Variants in ANKS1B observed in about 807,000 individuals in gnomAD.
ANKS1B encodes ankyrin repeat and sterile alpha motif domain containing 1B, also known as ankyrin repeat and sterile alpha motif domain-containing protein 1B.
A neutral mutation model predicts 148.3 loss-of-function variants in ANKS1B; 36 were observed. The observed-to-expected ratio is 0.24, with a 90% confidence interval of 0.19 to 0.32. The LOEUF (loss-of-function observed/expected upper bound fraction) is 0.32. Ranked by LOEUF, ANKS1B falls within the 10% of genes least tolerant of loss-of-function variation. ANKS1B has a pLI of 1.00. For missense variants in ANKS1B, 1,157 were observed against 1,542.6 expected, an observed-to-expected ratio of 0.75 and a Z score of 4.19; for synonymous variants, 542 against 560.8, an observed-to-expected ratio of 0.97 and a Z score of 0.47.
intron 8 of ANKS1B, among the ~76,000 whole-genome samples, chr12:99,717,318 T>C (rs963910491): frequency 7.9e-5 from 12 of 152,176 alleles, no homozygotes. Flanking sequence ...GGCAGCCAAG[T>C]AGCAACATAT....
chr12:99,353,563 C>T (rs2091665963), intron 12 of ANKS1B, among the ~76,000 whole-genome samples: 1 of 152,014 alleles, frequency 6.6e-6, no homozygotes, highest in South Asian at 2.1e-4. Flanking sequence ...TAAATTATAA[C>T]TCTGGTCAAT....
intron 17 of ANKS1B, chr12:98,956,242 C>T (rs748789889): frequency 2.0e-5 from 3 of 152,384 alleles, no homozygotes; most frequent in Non-Finnish European, 4.4e-5. Flanking sequence ...CTTACCAACC[C>T]CACTTCCAAA....
chr12:99,177,354 T>A (rs890133769), intron 14 of ANKS1B, among the ~76,000 whole-genome samples: 3 of 152,222 alleles, frequency 2.0e-5, no homozygotes, highest in Admixed American at 6.5e-5. Context: ...AACTTTTTTT[T>A]ATGAGAATTT....
intron 14 of ANKS1B, among the ~76,000 whole-genome samples, chr12:99,209,224 G>A (rs1416101794): frequency 6.6e-6 from 1 of 152,146 alleles, no homozygotes; most frequent in Non-Finnish European, 1.5e-5. Context: ...AACTCGGAAA[G>A]AGCCCAAGTG....
chr12:98,976,057 A>G (rs1017979987), intron 17 of ANKS1B, among the ~76,000 whole-genome samples: 2 of 152,252 alleles, frequency 1.3e-5, no homozygotes, highest in African/African-American at 4.8e-5. Flanking sequence ...GCCAACTTTT[A>G]TGTGCTTAAA....
intron 17 of ANKS1B, among the ~76,000 whole-genome samples, chr12:99,023,779 A>G (rs2099947178): frequency 6.6e-6 from 1 of 150,792 alleles, no homozygotes; most frequent in Non-Finnish European, 1.5e-5. Context: ...CTCTCTGTGA[A>G]TATGCACACA....
chr12:99,798,423 T>TAAAAAAAAAAA (rs61020616), intron 4 of ANKS1B, among the ~76,000 whole-genome samples: 1 of 78,636 alleles, frequency 1.3e-5, no homozygotes, highest in African/African-American at 4.3e-5. Context: ...CTCTTGGAAT[T>TAAAAAAAAAAA]AAAAAAAAAA....
intron 14 of ANKS1B, among the ~76,000 whole-genome samples, chr12:99,156,095 C>T (rs1831511949): frequency 6.6e-6 from 1 of 152,094 alleles, no homozygotes; most frequent in South Asian, 2.1e-4. Flanking sequence ...CCTCATCTTT[C>T]TCTGTTTCCT....
chr12:99,808,874 A>C (rs1602597683), intron 3 of ANKS1B, among the ~76,000 whole-genome samples: 1 of 152,022 alleles, frequency 6.6e-6, no homozygotes, highest in East Asian at 1.9e-4. Context: ...AAATCGAAAA[A>C]TTTTCTAGTA....
chr12:99,901,980 G>C (rs1603448270), intron 1 of ANKS1B, among the ~76,000 whole-genome samples: 1 of 152,170 alleles, frequency 6.6e-6, no homozygotes, highest in East Asian at 1.9e-4. Context: ...GCTTGTGCAA[G>C]TGCTGAGATA....
At chr12:98,791,554 A>G (rs2098854925) in intron 22 of ANKS1B, among the ~76,000 whole-genome samples, 1 of 151,328 alleles carries the variant, frequency 6.6e-6, no homozygotes, top group Non-Finnish European at 1.5e-5. Flanking sequence ...GCAACAGAGA[A>G]TTTTTTTTTA....
At chr12:99,302,589 G>A (rs950971808) in intron 12 of ANKS1B, among the ~76,000 whole-genome samples, 10 of 152,118 alleles carry the variant, frequency 6.6e-5, no homozygotes, top group African/African-American at 2.4e-4. Context: ...TCAGTGATAT[G>A]TTAGGCACAT....
chr12:98,843,908 A>C (rs532625146), intron 17 of ANKS1B, among the ~76,000 whole-genome samples: 1 of 152,310 alleles, frequency 6.6e-6, no homozygotes, highest in Non-Finnish European at 1.5e-5. Context: ...GGAAGCAGTA[A>C]TTGCTGAATC....
chr12:98,774,852 T>G (rs2098652018), intron 24 of ANKS1B, among the ~76,000 whole-genome samples: 1 of 152,172 alleles, frequency 6.6e-6, no homozygotes, highest in African/African-American at 2.4e-5. Context: ...TGTGTTGACA[T>G]TAATGCAGTG....
intron 16 of ANKS1B, among the ~76,000 whole-genome samples, chr12:99,063,803 T>G (rs2043205062): frequency 6.6e-6 from 1 of 152,184 alleles, no homozygotes; most frequent in Non-Finnish European, 1.5e-5. Flanking sequence ...ATGGAAAGGA[T>G]TAATATACTG....
intron 12 of ANKS1B, among the ~76,000 whole-genome samples, chr12:99,317,665 T>G (rs578191526): frequency 8.5e-5 from 13 of 152,216 alleles, no homozygotes; most frequent in Non-Finnish European, 1.3e-4. Context: ...TTCTTTCTCC[T>G]GCCTGATTTG....
chr12:98,766,463 A>G (rs976910480), intron 25 of ANKS1B, among the ~76,000 whole-genome samples: 4 of 152,354 alleles, frequency 2.6e-5, no homozygotes, highest in Non-Finnish European at 5.9e-5. Flanking sequence ...CTTTGTATGC[A>G]GAAGAGTAAC....
rs2073882359 is a variant in ANKS1B at position 99,246,310 on chromosome 12, C to T, written c.2311G>A (p.Glu771Lys). 6.2e-7 allele frequency: 1 copy of T among 1,602,302 alleles called. No individual in the cohort carries two copies. Among genetic ancestry groups the T allele is most frequent in the Non-Finnish European group, 8.5e-7 (1 of 1,174,504 alleles). ...TAEHSSKGNS[E>K]RTPSFTSEWE... ...TCCGATGTGAAGGATGGTGTTCTTT[C>T]AGAATTCCCTTTAGAACTGTGTTCA... Residue 771 changes from glutamate to lysine, a missense_variant, in exon 13 of 27, where the codon GAA becomes AAA. Around this residue, in one of 6 missense-constraint regions of ANKS1B, gnomAD observed 661 missense variants for 642.1 expected, o/e 1.03. Transcript: ENST00000683438.
intron 8 of ANKS1B, among the ~76,000 whole-genome samples, chr12:99,662,020 C>T (rs566665851): frequency 6.6e-6 from 1 of 152,280 alleles, no homozygotes; most frequent in African/African-American, 2.4e-5. Context: ...TAGAAGAATC[C>T]TGGGTTCCTC....
Sources: allele counts gnomAD v4.1 joint callset (sites outside exome capture counted in the v4.1 genomes callset), GRCh38; gene constraint gnomAD v4.1.1; regional missense constraint gnomAD v4.1.1; transcripts MANE v1.5; gene names NCBI Gene and HGNC (gene_info 2026-07-23, HGNC 2026-07-21).